Variants in TAX1BP1 observed in about 807,000 individuals in gnomAD.
TAX1BP1 encodes Tax1 binding protein 1.
In TAX1BP1, 62 loss-of-function variants were observed where a neutral mutation model predicts 97.7. That is an observed-to-expected ratio of 0.63 (90% CI 0.52 to 0.78). The LOEUF (loss-of-function observed/expected upper bound fraction) is 0.78, where lower values mean the gene tolerates loss of function less well. TAX1BP1 is among the 30% of genes least tolerant of loss of function. The pLI is 0.00. For synonymous variants in TAX1BP1, 340 were observed against 304.2 expected, an observed-to-expected ratio of 1.12 and a Z score of -1.23; for missense variants, 867 against 916.1, an observed-to-expected ratio of 0.95 and a Z score of 0.69.
rs145673092 is a variant in TAX1BP1 at position 27,769,890 on chromosome 7, C to A, written c.612+56C>A. The A allele has an allele frequency of 1.9e-6, 3 of 1,552,806 alleles. No homozygotes were observed. In the South Asian group the frequency reaches 3.5e-5, roughly 18 times the overall value. ...TTGATAGTATATTGCCTGAAACCCACCTTTTTAAAGAGCTGAACCAATTAA... is the reference window on the plus strand; with the variant it reads ...TTGATAGTATATTGCCTGAAACCCAACTTTTTAAAGAGCTGAACCAATTAA... On this transcript the variant is annotated intron_variant, in intron 5 of 16. Coordinates refer to ENST00000396319, the MANE Select transcript of TAX1BP1 (RefSeq NM_006024.7).
Position 27,775,353 on chromosome 7 carries a change from A to G in TAX1BP1, c.612+5519A>G, listed in dbSNP as rs151100850. ...TTATCAGAATATACCAGGACACATAATGGTATGGTTAGATGAAACTCATTG... is the reference window on the plus strand; with the variant it reads ...TTATCAGAATATACCAGGACACATAGTGGTATGGTTAGATGAAACTCATTG... On this transcript the variant is annotated intron_variant, in intron 5 of 16. Coordinates refer to ENST00000396319, the MANE Select transcript of TAX1BP1 (RefSeq NM_006024.7). 3.8e-3 allele frequency among the ~76,000 whole-genome samples: 586 copies of G among 152,302 alleles called. 2 individuals carry two copies. Among genetic ancestry groups the G allele is most frequent in the Middle Eastern group, 0.02 (6 of 294 alleles).
intron 5 of TAX1BP1, chr7:27,771,876 G>C (rs1788860502): frequency 6.6e-6 from 1 of 151,994 alleles, no homozygotes; most frequent in African/African-American, 2.4e-5. Context: ...TGCATGGGAA[G>C]TTCTCTCTAA....
intron 1 of TAX1BP1, among the ~76,000 whole-genome samples, chr7:27,741,322 C>T (rs147865670): frequency 1.3e-5 from 2 of 152,262 alleles, no homozygotes; most frequent in African/African-American, 4.8e-5. Flanking sequence ...CCTCAAAGTG[C>T]TTTTCGGGTT....
chr7:27,780,585 T>C (rs1196624923), intron 5 of TAX1BP1, among the ~76,000 whole-genome samples: 1 of 152,202 alleles, frequency 6.6e-6, no homozygotes, highest in Non-Finnish European at 1.5e-5. Context: ...TTAAGGCATT[T>C]AGTATCTAAT....
chr7:27,817,415 G>A (rs1434024452), intron 15 of TAX1BP1, among the ~76,000 whole-genome samples: 1 of 152,182 alleles, frequency 6.6e-6, no homozygotes, highest in East Asian at 1.9e-4. Flanking sequence ...TAATGGCAGT[G>A]TTATGCTTCA....
chr7:27,775,491 C>T (rs1788997571), intron 5 of TAX1BP1, among the ~76,000 whole-genome samples: 1 of 152,052 alleles, frequency 6.6e-6, no homozygotes, highest in African/African-American at 2.4e-5. Flanking sequence ...GTGGTGGTAG[C>T]TTTGTAATAT....
intron 3 of TAX1BP1, among the ~76,000 whole-genome samples, chr7:27,759,309 T>C (rs1433430025): frequency 6.6e-6 from 1 of 152,182 alleles, no homozygotes; most frequent in Non-Finnish European, 1.5e-5. Context: ...TTGGCAGATT[T>C]AATCACTGCC....
rs765341397 is a variant in TAX1BP1 at position 27,828,743 on chromosome 7, G to A, written c.2284G>A (p.Glu762Lys). Residue 762 changes from glutamate to lysine, a missense_variant, in exon 17 of 17, where the codon GAG becomes AAG. Physicochemically the swap from Glu to Lys is moderately conservative, Grantham distance 56. Around this residue, in one of 3 missense-constraint regions of TAX1BP1, gnomAD observed 34 missense variants for 33.2 expected, o/e 1.02. Coordinates refer to ENST00000396319, the MANE Select transcript of TAX1BP1 (RefSeq NM_006024.7). The stretch of plus-strand genomic sequence containing the variant: ...CTGGAAGGTGTGCCCGATGTGCAGC[G>A]AGCAGTTCCCTCCTGACTATGACCA... ...SHWKVCPMCS[E>K]QFPPDYDQQV... is the part of the protein sequence containing the mutation. 13 of 1,613,946 alleles carry A rather than the reference G, an allele frequency of 8.1e-6. No individual in the cohort carries two copies. Among genetic ancestry groups the A allele is most frequent in the East Asian group, 2.2e-5 (1 of 44,872 alleles).
At chr7:27,773,136 G>A (rs1788906209) in intron 5 of TAX1BP1, among the ~76,000 whole-genome samples, 1 of 152,058 alleles carries the variant, frequency 6.6e-6, no homozygotes, top group Admixed American at 6.6e-5. Context: ...TTCAGAGGTA[G>A]CACAGAGAGG....
At chr7:27,769,985 C>T in intron 5 of TAX1BP1, 151 bp downstream of exon 5, 2 of 642,530 alleles carry the variant, frequency 3.1e-6, no homozygotes, top group South Asian at 4.2e-5. Context: ...AGGTCAGTTC[C>T]TATTAACCTT....
At chr7:27,761,134 G>T (rs751761830) in intron 3 of TAX1BP1, among the ~76,000 whole-genome samples, 1 of 152,192 alleles carries the variant, frequency 6.6e-6, no homozygotes, top group East Asian at 1.9e-4. Context: ...AAAATAACTA[G>T]GCTCAGATTA....
At position 27,769,814 on chromosome 7, in the gene TAX1BP1, C is replaced by G; in HGVS notation, c.592C>G (p.Gln198Glu). ...TAACCATGAGAAAGAAAGATGTGAC[C>G]AACTGCAAGCAGAACAAAAGGTTAG... is the stretch of plus-strand genomic sequence containing the variant. ...ELNHEKERCD[Q>E]LQAEQKGLTE... The change falls in exon 5 of 17, where the codon CAA (glutamine) becomes GAA (glutamate). Residue 198 changes from glutamine (Q) to glutamate (E), a missense_variant. Physicochemically the swap from Gln to Glu is conservative, Grantham distance 29. This residue lies in a region of TAX1BP1 where 822 missense variants were observed against 851.4 expected (regional missense o/e 0.97). Coordinates refer to ENST00000396319, the MANE Select transcript of TAX1BP1 (RefSeq NM_006024.7). 1 of 1,611,986 alleles carries G rather than the reference C, an allele frequency of 6.2e-7. No individual in the cohort carries two copies. Among genetic ancestry groups the G allele is most frequent in the Non-Finnish European group, 8.5e-7 (1 of 1,178,708 alleles).
chr7:27,793,221 C>T lies in TAX1BP1; in HGVS notation c.1410+9C>T. ...AACTTTCAGATCAATCAGTAAGTAT[C>T]ATTAAATTTACACATAGTAAAATGT... On this transcript the variant is annotated intron_variant, in intron 10 of 16. Transcript: ENST00000396319. 6.4e-7 allele frequency: 1 copy of T among 1,563,096 alleles called. No individual in the cohort carries two copies. The highest frequency in any genetic ancestry group is 8.6e-7 in the Non-Finnish European group (1 of 1,165,696).
At chr7:27,758,410 A>G (rs1165540407) in intron 3 of TAX1BP1, 1 of 232,068 alleles carries the variant, frequency 4.3e-6, no homozygotes, top group East Asian at 8.4e-5. Context: ...TTTTTTTTCA[A>G]GTGAGAAAAC....
At chr7:27,806,446 G>A (rs73075322) in intron 13 of TAX1BP1, among the ~76,000 whole-genome samples, 11,746 of 151,934 alleles carry the variant, frequency 0.077, 653 homozygotes, top group Middle Eastern at 0.12. Context: ...ATCACAGAAG[G>A]AATGCATCTA....
At chr7:27,767,427 T>C (rs1788686498) in intron 4 of TAX1BP1, among the ~76,000 whole-genome samples, 1 of 152,152 alleles carries the variant, frequency 6.6e-6, no homozygotes, top group African/African-American at 2.4e-5. Flanking sequence ...ACAGTCAAAC[T>C]AGGTTAGGAG....
At chr7:27,768,247 T>C (rs1018398945) in intron 4 of TAX1BP1, among the ~76,000 whole-genome samples, 3 of 151,942 alleles carry the variant, frequency 2.0e-5, no homozygotes, top group African/African-American at 7.2e-5. Context: ...TACATAAACT[T>C]AGGTATATAA....
At position 27,803,682 on chromosome 7, in the gene TAX1BP1, A is replaced by G. The variant is rs560076992; in HGVS notation, c.1764+3592A>G. On this transcript the variant is annotated intron_variant, in intron 13 of 16. Coordinates refer to ENST00000396319, the MANE Select transcript of TAX1BP1 (RefSeq NM_006024.7). ...CATCACCACCATGTGCTCACAGTAG[A>G]GAAAAAAAAAGCCAGTTGCACTGAA... Among the ~76,000 whole-genome samples the G allele has an allele frequency of 2.6e-5, 4 of 151,170 alleles. No homozygotes were observed. In the East Asian group the frequency reaches 7.7e-4, roughly 29 times the overall value.
chr7:27,739,484 G>A (rs1228519804), upstream of TAX1BP1: 1 of 152,172 alleles, frequency 6.6e-6, no homozygotes, highest in Non-Finnish European at 1.5e-5. Context: ...AAGCAAAAGT[G>A]ATTTTAGAAA....
Sources: allele counts gnomAD v4.1 joint callset (sites outside exome capture counted in the v4.1 genomes callset), GRCh38; gene constraint gnomAD v4.1.1; regional missense constraint gnomAD v4.1.1; transcripts MANE v1.5; gene names NCBI Gene and HGNC (gene_info 2026-07-23, HGNC 2026-07-21).